Variants in SMYD3 observed in about 807,000 individuals in gnomAD.
SMYD3 encodes histone-lysine N-methyltransferase SMYD3.
SMYD3 carries 36 observed loss-of-function variants against 57.7 expected under a neutral mutation model. That is an observed-to-expected ratio of 0.62 (90% CI 0.48 to 0.82). The LOEUF is 0.82. Ranked by LOEUF, SMYD3 falls within the 40% of genes least tolerant of loss-of-function variation. The pLI, the probability that SMYD3 is intolerant of heterozygous loss-of-function variation, is 0.00. For synonymous variants in SMYD3, 211 were observed against 195.0 expected (o/e 1.08, Z -0.68); for missense variants, 515 against 538.8 (o/e 0.96, Z 0.44).
chr1:246,226,617 A>C lies in SMYD3; in HGVS notation c.531+100584T>G, dbSNP rs535354134. ...GTTAGTGTTTACACATAAAGATCAC[A>C]CACATTTGATGCGTCCACTTTCCTT... On this transcript the variant is annotated intron_variant, in intron 5 of 11. Transcript: ENST00000490107. Among the ~76,000 whole-genome samples the C allele has an allele frequency of 5.3e-5, 8 of 152,356 alleles. No individual in the cohort carries two copies. In the East Asian group the frequency reaches 1.5e-3, roughly 29 times the overall value.
intron 5 of SMYD3, among the ~76,000 whole-genome samples, chr1:245,984,457 A>G (rs570898972): frequency 5.9e-5 from 9 of 152,320 alleles, no homozygotes; most frequent in African/African-American, 2.2e-4. Flanking sequence ...GTGCAAGGGC[A>G]TGTGCACTCA....
At chr1:246,310,823 C>A (rs1000650099) in intron 5 of SMYD3, among the ~76,000 whole-genome samples, 10 of 152,026 alleles carry the variant, frequency 6.6e-5, no homozygotes, top group African/African-American at 2.4e-4. Flanking sequence ...GCATGTGCCA[C>A]CACGCCTGGC....
chr1:245,848,311 AG>A (rs1163621187), intron 10 of SMYD3, among the ~76,000 whole-genome samples: 1 of 151,910 alleles, frequency 6.6e-6, no homozygotes, highest in African/African-American at 2.4e-5. Flanking sequence ...TGGTAGAGAT[AG>A]GGTTTCATCA....
chr1:246,372,743 G>A (rs1226840790), intron 1 of SMYD3, among the ~76,000 whole-genome samples: 1 of 152,204 alleles, frequency 6.6e-6, no homozygotes, highest in Non-Finnish European at 1.5e-5. Context: ...GTAATCCAAG[G>A]ACTTTGTGGG....
chr1:245,980,562 T>C (rs181535475), intron 5 of SMYD3, among the ~76,000 whole-genome samples: 122 of 152,380 alleles, frequency 8.0e-4, no homozygotes, highest in Admixed American at 2.5e-3. Context: ...CCTTTCTGCT[T>C]ATCACACACA....
intron 5 of SMYD3, among the ~76,000 whole-genome samples, chr1:246,119,142 T>C (rs1396148932): frequency 1.3e-5 from 2 of 152,132 alleles, no homozygotes; most frequent in Non-Finnish European, 2.9e-5. Context: ...CGCCTCAGCT[T>C]TCCAAGTAGC....
chr1:245,825,903 A>G (rs929570030), intron 10 of SMYD3, among the ~76,000 whole-genome samples: 75 of 146,234 alleles, frequency 5.1e-4, no homozygotes, highest in African/African-American at 1.8e-3. Context: ...AATTGAAGTC[A>G]CTCTACGAAA....
chr1:246,301,585 T>C (rs777914363), intron 5 of SMYD3, among the ~76,000 whole-genome samples: 2 of 152,170 alleles, frequency 1.3e-5, no homozygotes, highest in South Asian at 2.1e-4. Context: ...ATACTGTCTA[T>C]TGAGAGTCTG....
intron 5 of SMYD3, among the ~76,000 whole-genome samples, chr1:246,033,816 A>C (rs2059721375): frequency 6.6e-6 from 1 of 152,074 alleles, no homozygotes; most frequent in East Asian, 1.9e-4. Context: ...TTAAAAAATA[A>C]ATTAAAAATT....
intron 5 of SMYD3, among the ~76,000 whole-genome samples, chr1:246,295,341 C>T (rs1321167261): frequency 6.6e-6 from 1 of 152,156 alleles, no homozygotes; most frequent in African/African-American, 2.4e-5. Flanking sequence ...GCCAAAGGTC[C>T]TAAGATAGTA....
At chr1:246,311,218 G>C (rs2065070425) in intron 5 of SMYD3, among the ~76,000 whole-genome samples, 1 of 152,122 alleles carries the variant, frequency 6.6e-6, no homozygotes, top group Non-Finnish European at 1.5e-5. Flanking sequence ...TAACTATACA[G>C]AACATAATGT....
At chr1:246,347,296 T>C (rs2065738108) in intron 2 of SMYD3, among the ~76,000 whole-genome samples, 1 of 152,130 alleles carries the variant, frequency 6.6e-6, no homozygotes, top group South Asian at 2.1e-4. Flanking sequence ...TTCTCCCAGA[T>C]TAATGCCAGG....
At chr1:246,315,482 A>C (rs183419206) in intron 5 of SMYD3, among the ~76,000 whole-genome samples, 59 of 152,286 alleles carry the variant, frequency 3.9e-4, no homozygotes, top group Non-Finnish European at 7.8e-4. Flanking sequence ...GAAATATCAC[A>C]AACTCACAAA....
Position 246,507,223 on chromosome 1 carries a change from C to G in SMYD3, c.-6G>C. ...TCCACCTTCAGCGGCTCCATCCTCC[C>G]GCAGCTCCGGCACCTCAGACGGCTA... On this transcript the variant is annotated 5_prime_UTR_variant, in exon 1 of 12. Coordinates refer to ENST00000490107, the MANE Select transcript of SMYD3 (RefSeq NM_001167740.2). 6.6e-7 allele frequency: 1 copy of G among 1,514,216 alleles called. No individual in the cohort carries two copies. Among genetic ancestry groups the G allele is most frequent in the Non-Finnish European group, 8.9e-7 (1 of 1,128,810 alleles). The allele number at this position is 1,514,216 out of a possible 1,614,324, so 93.8% of individuals were successfully genotyped here.
chr1:246,113,713 A>G (rs2061293280), intron 5 of SMYD3: 1 of 152,204 alleles, frequency 6.6e-6, no homozygotes, highest in Non-Finnish European at 1.5e-5. Flanking sequence ...GTGGACAGAA[A>G]CATCTGCTTC....
intron 5 of SMYD3, among the ~76,000 whole-genome samples, chr1:246,234,433 CATAT>C (rs2063480324): frequency 1.3e-5 from 2 of 151,430 alleles, no homozygotes; most frequent in African/African-American, 2.4e-5. Flanking sequence ...CTGTGATGAA[CATAT>C]ACCATGCAGA....
chr1:246,091,427 G>A (rs928670074), intron 5 of SMYD3, among the ~76,000 whole-genome samples: 1 of 151,440 alleles, frequency 6.6e-6, no homozygotes, highest in Non-Finnish European at 1.5e-5. Context: ...TTTTCCACTC[G>A]GAAGACCCCT....
chr1:246,449,851 G>GT (rs367920359), intron 1 of SMYD3, among the ~76,000 whole-genome samples: 108 of 152,112 alleles, frequency 7.1e-4, no homozygotes, highest in African/African-American at 2.5e-3. Context: ...GTGTGGAAAG[G>GT]TTTTTTTTGT....
At chr1:245,924,360 C>A (rs576885002) in intron 7 of SMYD3, among the ~76,000 whole-genome samples, 1 of 152,026 alleles carries the variant, frequency 6.6e-6, no homozygotes, top group East Asian at 1.9e-4. Context: ...CTCAGCATTA[C>A]AATGGAGAGC....
Sources: gnomAD v4.1 joint callset for allele counts (sites outside exome capture counted in the v4.1 genomes callset) on GRCh38, gnomAD v4.1.1 for gene constraint, MANE v1.5 for transcripts, NCBI Gene and HGNC (gene_info 2026-07-23, HGNC 2026-07-21) for gene names.